Variants in R3HDM2 observed in about 807,000 individuals in gnomAD.
R3HDM2 encodes the protein R3H domain containing 2.
Under a neutral mutation model 124.5 loss-of-function variants are expected in R3HDM2, and 38 were observed. The ratio of observed to expected loss-of-function variants is 0.31; its 90% CI spans 0.24 to 0.40. R3HDM2 has a LOEUF of 0.40. Among genes scored for constraint, R3HDM2 ranks in the 10% least tolerant of loss-of-function variants. The pLI is 1.00. For missense variants in R3HDM2, 869 were observed against 1,236.9 expected, an observed-to-expected ratio of 0.70 and a Z score of 4.46; for synonymous variants, 391 against 448.0, an observed-to-expected ratio of 0.87 and a Z score of 1.61.
At chr12:57,368,868 C>T (rs964799066) in intron 2 of R3HDM2, among the ~76,000 whole-genome samples, 1 of 151,990 alleles carries the variant, frequency 6.6e-6, no homozygotes, top group African/African-American at 2.4e-5. Context: ...GCGGACCCCC[C>T]CAAACTCTGC....
intron 1 of R3HDM2, among the ~76,000 whole-genome samples, chr12:57,403,361 G>A (rs546034965): frequency 3.1e-4 from 47 of 151,968 alleles, no homozygotes; most frequent in East Asian, 3.9e-4. Context: ...GCGTGATGGC[G>A]CACGCCTGTA....
chr12:57,335,187 T>C (rs1311859971), intron 2 of R3HDM2, among the ~76,000 whole-genome samples: 1 of 151,634 alleles, frequency 6.6e-6, no homozygotes, highest in Non-Finnish European at 1.5e-5. Flanking sequence ...AATTTAGTAC[T>C]GCTGATCTGT....
At chr12:57,299,551 G>C (rs1344811194) in intron 5 of R3HDM2, 73 bp from the exon 6 acceptor site, 14 of 1,432,498 alleles carry the variant, frequency 9.8e-6, no homozygotes, top group Non-Finnish European at 1.2e-5. Context: ...GAATCTCAAA[G>C]AAGGTAAATC....
At chr12:57,355,332 G>T (rs1043983094) in intron 2 of R3HDM2, among the ~76,000 whole-genome samples, 22 of 150,962 alleles carry the variant, frequency 1.5e-4, no homozygotes, top group African/African-American at 5.1e-4. Context: ...AGTGGCAGGC[G>T]CCTATAGTCC....
chr12:57,400,939 C>G (rs116547276), intron 1 of R3HDM2, among the ~76,000 whole-genome samples: 13 of 152,188 alleles, frequency 8.5e-5, no homozygotes, highest in African/African-American at 3.1e-4. Flanking sequence ...CTGAAAATAT[C>G]AGTCCCCAGC....
Position 57,254,591 on chromosome 12 carries a change from G to A in R3HDM2, c.*182C>T. 1 of 570,720 alleles carries A rather than the reference G, an allele frequency of 1.8e-6. No individual in the cohort carries two copies. Among genetic ancestry groups the A allele is most frequent in the Non-Finnish European group, 3.0e-6 (1 of 335,052 alleles). The allele number at this position is 570,720 out of a possible 1,614,324, so 35.4% of individuals were successfully genotyped here. On this transcript the variant is annotated 3_prime_UTR_variant, in exon 24 of 24. Coordinates refer to ENST00000402412, the MANE Select transcript of R3HDM2 (RefSeq NM_001394031.1). The stretch of plus-strand genomic sequence containing the variant: ...GGGAAAAAGAGAGGACCCATGGCAG[G>A]GGAGCAAGAAGGAGTCCAATGCCAG...
At chr12:57,258,190 TATTCCTATGGCTTGGCTTAAA>T (rs2039621878) in intron 20 of R3HDM2, 53 bp from the exon 21 acceptor site, 1 of 1,386,654 alleles carries the variant, frequency 7.2e-7, no homozygotes, top group Non-Finnish European at 9.5e-7. Context: ...ACCCTCTGGA[TATTCCTATGGCTTGGCTTAAA>T]ATTCACCTCT....
intron 2 of R3HDM2, among the ~76,000 whole-genome samples, chr12:57,333,983 G>A (rs1377476641): frequency 2.6e-5 from 4 of 151,906 alleles, no homozygotes; most frequent in East Asian, 3.9e-4. Context: ...AGGCTGCAAC[G>A]AGCCGAGACT....
At chr12:57,305,208 A>G (rs914648145) in intron 3 of R3HDM2, among the ~76,000 whole-genome samples, 2 of 152,032 alleles carry the variant, frequency 1.3e-5, no homozygotes, top group Admixed American at 6.6e-5. Flanking sequence ...ATAAAAATAA[A>G]CATATTATAC....
chr12:57,272,459 G>A, intron 14 of R3HDM2: 1 of 1,549,708 alleles, frequency 6.5e-7, no homozygotes, highest in Non-Finnish European at 8.7e-7. Context: ...ATACCATGTT[G>A]TACTGCTGGG....
At chr12:57,269,610 A>G in intron 15 of R3HDM2, 142 bp downstream of exon 15, 2 of 1,449,764 alleles carry the variant, frequency 1.4e-6, no homozygotes, top group Non-Finnish European at 1.9e-6. Flanking sequence ...ATATAGAAAG[A>G]AGACTTTCTG....
intron 2 of R3HDM2, among the ~76,000 whole-genome samples, chr12:57,320,177 C>G (rs1020091743): frequency 3.6e-5 from 5 of 138,682 alleles, no homozygotes; most frequent in African/African-American, 1.3e-4. Flanking sequence ...AGGAGAATCG[C>G]TTGAACCCGG....
At chr12:57,388,660 T>C (rs986169398) in intron 2 of R3HDM2, among the ~76,000 whole-genome samples, 3 of 152,184 alleles carry the variant, frequency 2.0e-5, no homozygotes, top group Non-Finnish European at 4.4e-5. Context: ...GCAGGAGGGC[T>C]ATGTGTCCTG....
intron 17 of R3HDM2, 86 bp from the exon 18 acceptor site, chr12:57,268,543 C>G: frequency 1.5e-6 from 2 of 1,378,586 alleles, no homozygotes; most frequent in Non-Finnish European, 2.0e-6. Context: ...GAGATCAGGG[C>G]ATTACAACTT....
intron 2 of R3HDM2, among the ~76,000 whole-genome samples, chr12:57,339,915 T>G (rs2059354184): frequency 6.6e-6 from 1 of 152,156 alleles, no homozygotes; most frequent in African/African-American, 2.4e-5. Flanking sequence ...TCTTGATCTT[T>G]CCTTCTTCCA....
At chr12:57,416,140 C>T (rs1594617263) in intron 1 of R3HDM2, among the ~76,000 whole-genome samples, 1 of 152,000 alleles carries the variant, frequency 6.6e-6, no homozygotes, top group Non-Finnish European at 1.5e-5. Flanking sequence ...AGTGAGGTAT[C>T]CTGATGTCTG....
At chr12:57,417,426 G>C (rs1249862486) in intron 1 of R3HDM2, among the ~76,000 whole-genome samples, 1 of 151,836 alleles carries the variant, frequency 6.6e-6, no homozygotes, top group Non-Finnish European at 1.5e-5. Context: ...ATGAAACTGG[G>C]TTTATATCCT....
chr12:57,404,505 G>T (rs1287120468), intron 1 of R3HDM2, among the ~76,000 whole-genome samples: 1 of 151,580 alleles, frequency 6.6e-6, no homozygotes, highest in Non-Finnish European at 1.5e-5. Context: ...AGACCATCCT[G>T]GCCAACATGG....
chr12:57,343,035 G>A (rs1169413536), intron 2 of R3HDM2, among the ~76,000 whole-genome samples: 1 of 152,022 alleles, frequency 6.6e-6, no homozygotes, highest in Non-Finnish European at 1.5e-5. Context: ...TGATGAAAAA[G>A]GATGGTAATG....
Sources: gnomAD v4.1 joint callset for allele counts (sites outside exome capture counted in the v4.1 genomes callset) on GRCh38, gnomAD v4.1.1 for gene constraint, MANE v1.5 for transcripts, NCBI Gene and HGNC (gene_info 2026-07-23, HGNC 2026-07-21) for gene names.